NLRP7: variants seen among roughly 807,000 people sequenced by gnomAD.
NLRP7 encodes NLR family pyrin domain containing 7, also known as NACHT, LRR and PYD domains-containing protein 7.
A neutral mutation model predicts 85.5 loss-of-function variants in NLRP7; 72 were observed. The observed-to-expected ratio is 0.84, with a 90% CI of 0.70 to 1.02. The LOEUF (loss-of-function observed/expected upper bound fraction) is 1.02. Ranked by LOEUF, NLRP7 falls within the 50% of genes least tolerant of loss-of-function variation. NLRP7 has a pLI of 0.00. For synonymous variants in NLRP7, 550 were observed against 505.2 expected (o/e 1.09, Z -1.19); for missense variants, 1,243 against 1,219.5 (o/e 1.02, Z -0.29).
At chr19:54,944,774 T>A (rs1251091240) in intron 1 of NLRP7, among the ~76,000 whole-genome samples, 1 of 151,854 alleles carries the variant, frequency 6.6e-6, no homozygotes, top group African/African-American at 2.4e-5. Context: ...CTCTATTTTT[T>A]AAGTATTTTT....
chr19:54,963,556 G>A (rs1450917815), intron 1 of NLRP7, among the ~76,000 whole-genome samples: 1 of 151,962 alleles, frequency 6.6e-6, no homozygotes, highest in Non-Finnish European at 1.5e-5. Flanking sequence ...AGGCGCAGTG[G>A]CTCATGCCTG....
intron 1 of NLRP7, among the ~76,000 whole-genome samples, chr19:54,943,308 T>C (rs1178024080): frequency 6.7e-6 from 1 of 149,840 alleles, no homozygotes; most frequent in Non-Finnish European, 1.5e-5. Flanking sequence ...GTCTCAAAAG[T>C]AAGTAACTAA....
In NLRP7 at chr19:54,941,369, G is replaced by A. The variant is rs1047211088; in HGVS notation, c.277+66C>T. 3.5e-4 allele frequency: 380 copies of A among 1,095,468 alleles called. 3 individuals carry two copies. The highest frequency in any genetic ancestry group is 2.1e-4 in the Admixed American group (10 of 48,758). The allele number at this position is 1,095,468 out of a possible 1,614,324, so 67.9% of individuals were successfully genotyped here. A position where few individuals can be genotyped will look rare whatever the true frequency, so the allele number is the denominator to read the frequency against. The stretch of plus-strand genomic sequence containing the variant: ...TACACTCCAGCCTGGGCGACAGAAC[G>A]AGACTCCATCTCAAAAAAAAAAAAA... On this transcript the variant is annotated intron_variant, in intron 2 of 9. Transcript: ENST00000340844.
Position 54,934,590 on chromosome 19 carries a change from G to T in NLRP7, c.2370C>A (p.Ser790=). 1 of 1,614,118 alleles carries T rather than the reference G, an allele frequency of 6.2e-7. No individual in the cohort carries two copies. The highest frequency in any genetic ancestry group is 1.7e-4 in the Middle Eastern group (1 of 6,060). ...TGGCTGAGAGACGCAGGTGCTTCAG[G>T]GACTGGTTGGCTTTGAGGACATAGA... The change falls in exon 7 of 10, where the codon TCC becomes TCA. Residue 790 remains serine (S), a synonymous_variant. Transcript: ENST00000340844. The surrounding 1 kb of genome is among the most constrained non-coding windows in gnomAD (Gnocchi z 6.7).
chr19:54,964,303 G>A (rs2070212904), intron 1 of NLRP7, among the ~76,000 whole-genome samples: 2 of 127,864 alleles, frequency 1.6e-5, no homozygotes, highest in East Asian at 2.7e-4. Context: ...TGCAAGCTCC[G>A]CCTCCCGGGT....
Position 54,952,579 on chromosome 19 carries a change from G to A in NLRP7, c.-76-5074C>T, listed in dbSNP as rs186112082. 2.8e-3 allele frequency among the ~76,000 whole-genome samples: 424 copies of A among 149,292 alleles called. 2 individuals carry two copies. Among genetic ancestry groups the A allele is most frequent in the Non-Finnish European group, 3.6e-3 (243 of 67,384 alleles). ...ACTGCACTCCAGCCTGGGTGACAAA[G>A]CAAAACTCCATCTCAAAAAAAAAAA... On this transcript the variant is annotated intron_variant, in intron 1 of 2. Transcript: ENST00000587103.
chr19:54,942,615 G>A (rs375803716), intron 1 of NLRP7, among the ~76,000 whole-genome samples: 35 of 151,654 alleles, frequency 2.3e-4, no homozygotes, highest in East Asian at 1.6e-3. Flanking sequence ...TCAGGAGGCC[G>A]AGACAGGAGA....
chr19:54,962,909 C>T (rs2070110132), intron 1 of NLRP7, among the ~76,000 whole-genome samples: 1 of 152,088 alleles, frequency 6.6e-6, no homozygotes, highest in Non-Finnish European at 1.5e-5. Context: ...CCCTCACTTT[C>T]TTATTCTTTC....
Position 54,934,575 on chromosome 19 carries a change from A to G in NLRP7, c.2385T>C (p.Arg795=), listed in dbSNP as rs745391638. Residue 795 remains arginine, a synonymous_variant, in exon 7 of 10, where the codon CGT becomes CGC. Coordinates refer to ENST00000340844, the Ensembl canonical transcript of NLRP7. The surrounding 1 kb of genome is among the most constrained non-coding windows in gnomAD (Gnocchi z 6.7). Reference sequence around the variant, plus strand: ...CATCCAGGAGCACATTGGCTGAGAGACGCAGGTGCTTCAGGGACTGGTTGG... The same window carrying G: ...CATCCAGGAGCACATTGGCTGAGAGGCGCAGGTGCTTCAGGGACTGGTTGG... 4.0e-5 allele frequency: 64 copies of G among 1,613,996 alleles called. No individual in the cohort carries two copies. The Admixed American group carries it at 1.1e-3, about 26-fold the overall frequency.
At chr19:54,956,509 G>A (rs1373581065) in intron 1 of NLRP7, among the ~76,000 whole-genome samples, 1 of 148,256 alleles carries the variant, frequency 6.7e-6, no homozygotes, top group Non-Finnish European at 1.5e-5. Context: ...GGTGAACATG[G>A]CAAAACCCCA....
intron 1 of NLRP7, among the ~76,000 whole-genome samples, chr19:54,961,168 T>C (rs2146287156): frequency 6.7e-6 from 1 of 149,842 alleles, no homozygotes; most frequent in Non-Finnish European, 1.5e-5. Context: ...AGCCCAGGAG[T>C]TCAAGACCGG....
exon 4 of NLRP7, chr19:54,939,756 C>T (rs756146906): frequency 5.6e-6 from 9 of 1,613,682 alleles, no homozygotes; most frequent in Non-Finnish European, 1.7e-6. Context: ...TGGAACAGGG[C>T]CGCGTTGCTC....
chr19:54,953,085 GAAAA>G (rs141854154), intron 1 of NLRP7: 1 of 145,998 alleles, frequency 6.8e-6, no homozygotes, highest in Admixed American at 6.9e-5. Context: ...GCAGTAAAAA[GAAAA>G]AAAAAAGCAT....
upstream of NLRP7, chr19:54,947,648 C>T (rs1380281432): frequency 5.4e-6 from 7 of 1,289,302 alleles, no homozygotes; most frequent in Non-Finnish European, 6.1e-6. Context: ...CTCACCTTGA[C>T]ATCACCTGGG....
exon 2 of NLRP7, chr19:54,941,602 A>G (rs1216410984): frequency 6.2e-7 from 1 of 1,613,846 alleles, no homozygotes; most frequent in Admixed American, 1.7e-5. Context: ...CTTCTGTAGC[A>G]CGTCTTCGAG....
intron 1 of NLRP7, among the ~76,000 whole-genome samples, 182 bp from the exon 2 acceptor site, chr19:54,941,932 G>A (rs562669569): frequency 7.9e-5 from 12 of 151,936 alleles, no homozygotes; most frequent in Middle Eastern, 6.8e-3. Flanking sequence ...CCAGGAGTTC[G>A]AGACCAGCCT....
exon 4 of NLRP7, chr19:54,939,799 C>T: frequency 6.2e-7 from 1 of 1,614,066 alleles, no homozygotes; most frequent in Non-Finnish European, 8.5e-7. Context: ...TGGCTTGGTC[C>T]TCGTCTCCAA....
At chr19:54,940,318 C>T (rs2069166878) in exon 4 of NLRP7, 4 of 1,614,184 alleles carry the variant, frequency 2.5e-6, no homozygotes, top group Non-Finnish European at 3.4e-6. Context: ...GTGTTAGCTT[C>T]CTGGGTGTTC....
intron 1 of NLRP7, among the ~76,000 whole-genome samples, chr19:54,962,940 G>A (rs1330379946): frequency 2.6e-5 from 4 of 152,094 alleles, no homozygotes; most frequent in Admixed American, 1.3e-4. Flanking sequence ...AACTGAGCGC[G>A]GCAGTGAAGA....
Sources: gnomAD v4.1 joint callset for allele counts (sites outside exome capture counted in the v4.1 genomes callset) on GRCh38, gnomAD v4.1.1 for gene constraint, Gnocchi (gnomAD v3.1) non-coding constraint, MANE v1.5 for transcripts, NCBI Gene and HGNC (gene_info 2026-07-23, HGNC 2026-07-21) for gene names.